Variants in AGK observed in about 807,000 individuals in gnomAD.
AGK encodes the protein acylglycerol kinase, mitochondrial.
A neutral mutation model predicts 66.4 loss-of-function variants in AGK; 52 were observed. That is an observed-to-expected ratio of 0.78 (90% confidence interval 0.63 to 0.99). AGK has a LOEUF of 0.99. Among genes scored for constraint, AGK ranks in the 50% least tolerant of loss-of-function variants. The pLI, the probability that AGK is intolerant of heterozygous loss-of-function variation, is 0.00. For missense variants in AGK, 451 were observed against 506.6 expected (o/e 0.89, Z 1.05); for synonymous variants, 182 against 181.1 (o/e 1.00, Z -0.04).
At chr7:141,591,016 T>C (rs1796101866) in intron 2 of AGK, among the ~76,000 whole-genome samples, 1 of 148,916 alleles carries the variant, frequency 6.7e-6, no homozygotes, top group Non-Finnish European at 1.5e-5. Flanking sequence ...ATCTTTGTTA[T>C]CAAACAACAT....
intron 9 of AGK, among the ~76,000 whole-genome samples, chr7:141,633,363 T>C (rs1392345523): frequency 6.6e-6 from 1 of 152,198 alleles, no homozygotes; most frequent in East Asian, 1.9e-4. Flanking sequence ...ACTCACTGAT[T>C]ATAATATGCA....
At position 141,567,623 on chromosome 7, in the gene AGK, TG is replaced by T. The variant is rs201051036; in HGVS notation, c.101+12057del. On this transcript the variant is annotated intron_variant, in intron 2 of 15. Transcript: ENST00000649286. ...TTGCAGAGGAGAAAATGACCCTGTT[TG>T]CTGAAAGTAAAGACAGTTTAAGGAT... Among the ~76,000 whole-genome samples, 187 of 152,358 alleles carry T rather than the reference TG, an allele frequency of 1.2e-3. 4 individuals are homozygous for T. The East Asian group carries it at 0.029, about 24-fold the overall frequency.
At position 141,637,026 on chromosome 7, in the gene AGK, G is replaced by T. The variant is rs763710874; in HGVS notation, c.726+9G>T. 4.4e-6 allele frequency: 7 copies of T among 1,608,966 alleles called. No individual in the cohort carries two copies. Among genetic ancestry groups the T allele is most frequent in the South Asian group, 3.3e-5 (3 of 90,376 alleles). Reference sequence around the variant, plus strand: ...TTTTCAGCACTCTTAAGGTAAATGTGATTTACAGTGTAGAAATTTGCTGTG... The same window carrying T: ...TTTTCAGCACTCTTAAGGTAAATGTTATTTACAGTGTAGAAATTTGCTGTG... On this transcript the variant is annotated intron_variant, in intron 11 of 15. Transcript: ENST00000649286.
At chr7:141,631,581 C>G (rs1478574148) in intron 9 of AGK, among the ~76,000 whole-genome samples, 1 of 152,172 alleles carries the variant, frequency 6.6e-6, no homozygotes, top group East Asian at 1.9e-4. Context: ...TATCCAAAAT[C>G]AAGCATTTCT....
chr7:141,641,171 A>C, intron 11 of AGK, 77 bp from the exon 12 acceptor site: 1 of 1,387,850 alleles, frequency 7.2e-7, no homozygotes, highest in South Asian at 1.4e-5. Context: ...TAGACAAATA[A>C]ATAACTTTTG....
intron 5 of AGK, among the ~76,000 whole-genome samples, chr7:141,608,728 C>T (rs114453209): frequency 0.03 from 4,533 of 152,286 alleles, 110 homozygotes; most frequent in South Asian, 0.14. Context: ...AGCTCATCCA[C>T]TTACTTGTTT....
Position 141,611,296 on chromosome 7 carries a change from G to A in AGK, c.390+9G>A. 6.3e-7 allele frequency: 1 copy of A among 1,596,470 alleles called. No individual in the cohort carries two copies. Among genetic ancestry groups the A allele is most frequent in the Non-Finnish European group, 8.6e-7 (1 of 1,168,014 alleles). On this transcript the variant is annotated intron_variant, in intron 6 of 15. Coordinates refer to ENST00000649286, the MANE Select transcript of AGK (RefSeq NM_018238.4). ...ATGGGACACTGCAGGAGGTATGACT[G>A]TTTTTCTCTTTGAAGCTATTTTGAA...
intron 11 of AGK, 25 bp downstream of exon 11, chr7:141,637,042 A>G (rs778075166): frequency 7.3e-5 from 117 of 1,599,568 alleles, no homozygotes; most frequent in Non-Finnish European, 8.6e-5. Context: ...CAGTGTAGAA[A>G]TTTGCTGTGT....
At chr7:141,606,679 C>T (rs932794506) in intron 5 of AGK, among the ~76,000 whole-genome samples, 3 of 152,170 alleles carry the variant, frequency 2.0e-5, no homozygotes. Flanking sequence ...TTTTCATTTG[C>T]ATTTGCTCTT....
chr7:141,640,059 C>G (rs1204155223), intron 11 of AGK, among the ~76,000 whole-genome samples: 1 of 152,114 alleles, frequency 6.6e-6, no homozygotes, highest in Non-Finnish European at 1.5e-5. Context: ...GCAGTTAGGT[C>G]TTCAGGGGCC....
chr7:141,589,037 C>T (rs1425411861), intron 2 of AGK, among the ~76,000 whole-genome samples: 1 of 152,144 alleles, frequency 6.6e-6, no homozygotes, highest in Non-Finnish European at 1.5e-5. Flanking sequence ...GCCCTCCTAT[C>T]TCATCCTGTG....
chr7:141,588,304 G>A (rs1043594655), intron 2 of AGK, among the ~76,000 whole-genome samples: 1 of 152,138 alleles, frequency 6.6e-6, no homozygotes, highest in African/African-American at 2.4e-5. Context: ...AATTCAGGGC[G>A]ACTCCATAGA....
intron 8 of AGK, 53 bp from the exon 9 acceptor site, chr7:141,621,678 TG>T: frequency 8.6e-7 from 1 of 1,167,312 alleles, no homozygotes; most frequent in Non-Finnish European, 1.3e-6. Context: ...GGCAGTGTGG[TG>T]GGGGAGATGT....
rs1234359642 is a variant in AGK, at chr7:141,653,077, C to T, written c.*153C>T. On this transcript the variant is annotated 3_prime_UTR_variant, in exon 16 of 16. Coordinates refer to ENST00000649286, the MANE Select transcript of AGK (RefSeq NM_018238.4). ...TCTGCCCCCACTCCAGCAGTGCTTC[C>T]CAAAGTGTGCTCTGTCACCTGCTTT... The T allele has an allele frequency of 1.2e-5, 10 of 808,828 alleles. No homozygotes were observed. The East Asian group carries it at 2.4e-4, about 19-fold the overall frequency. 50.1% of individuals were successfully genotyped at this position (808,828 alleles called of 1,614,324 possible). A position where few individuals can be genotyped will look rare whatever the true frequency, so the allele number is the denominator to read the frequency against.
intron 7 of AGK, 135 bp downstream of exon 7, chr7:141,614,313 G>T (rs1796660139): frequency 1.7e-6 from 1 of 585,928 alleles, no homozygotes; most frequent in South Asian, 3.1e-5. Flanking sequence ...TTTTAGAAAA[G>T]AAAATACTGC....
Position 141,602,173 on chromosome 7 carries a change from T to TGTGTGTGTGTGTGTGTG in AGK, c.297+893_297+894insGTGTGTGTGTGTGTGTG, listed in dbSNP as rs1587114560. 8.0e-3 allele frequency among the ~76,000 whole-genome samples: 1,009 copies of TGTGTGTGTGTGTGTGTG among 125,352 alleles called. 29 individuals carry two copies. The highest frequency in any genetic ancestry group is 0.031 in the Admixed American group (358 of 11,508). 82.2% of individuals were successfully genotyped at this position (125,352 alleles called of 152,430 possible). A position where few individuals can be genotyped will look rare whatever the true frequency, so the allele number is the denominator to read the frequency against. On this transcript the variant is annotated intron_variant, in intron 5 of 15. Coordinates refer to ENST00000649286, the MANE Select transcript of AGK (RefSeq NM_018238.4). ...GAGCTTTCCTTGAGGGGAGATTTTC[T>TGTGTGTGTGTGTGTGTG]TGTGTGTGTGTGTGTGTGTGTGTGT... is the stretch of plus-strand genomic sequence containing the variant.
intron 9 of AGK, among the ~76,000 whole-genome samples, chr7:141,622,636 GC>G (rs1189987832): frequency 2.0e-5 from 3 of 152,136 alleles, no homozygotes. Flanking sequence ...CCACCAACCA[GC>G]CATTTCCCTA....
At position 141,648,079 on chromosome 7, in the gene AGK, C is replaced by T. The variant is rs1468526441; in HGVS notation, c.976-1184C>T. ...GAACCACTGCCCTGGGTGGCCACAT[C>T]GCCGGCTCCCTCACCTCCTTCAGGC... is the stretch of plus-strand genomic sequence containing the variant. On this transcript the variant is annotated intron_variant, in intron 13 of 15. Transcript: ENST00000649286. Among the ~76,000 whole-genome samples the T allele has an allele frequency of 4.6e-5, 7 of 152,218 alleles. 1 individual carries two copies. Among genetic ancestry groups the T allele is most frequent in the Admixed American group, 1.3e-4 (2 of 15,288 alleles).
intron 8 of AGK, among the ~76,000 whole-genome samples, chr7:141,621,208 A>G (rs1796816304): frequency 6.6e-6 from 1 of 152,198 alleles, no homozygotes; most frequent in South Asian, 2.1e-4. Flanking sequence ...GTAGATAAGA[A>G]CGGTCTGTGT....
Sources: gnomAD v4.1 joint callset for allele counts (sites outside exome capture counted in the v4.1 genomes callset) on GRCh38, gnomAD v4.1.1 for gene constraint, MANE v1.5 for transcripts, NCBI Gene and HGNC (gene_info 2026-07-23, HGNC 2026-07-21) for gene names.